TENM4: variants seen among roughly 807,000 people sequenced by gnomAD.
TENM4 encodes teneurin-4.
TENM4 carries 82 observed loss-of-function variants against 243.3 expected under a neutral mutation model. The observed-to-expected ratio is 0.34, with a 90% CI of 0.28 to 0.40. The LOEUF is 0.40. TENM4 is among the 10% of genes least tolerant of loss of function. The pLI is 1.00. For synonymous variants in TENM4, 1,412 were observed against 1,456.3 expected, an observed-to-expected ratio of 0.97 and a Z score of 0.69; for missense variants, 3,138 against 3,673.3, an observed-to-expected ratio of 0.85 and a Z score of 3.77.
At chr11:79,358,967 G>C (rs1237146329) in intron 1 of TENM4, among the ~76,000 whole-genome samples, 4 of 128,272 alleles carry the variant, frequency 3.1e-5, no homozygotes, top group East Asian at 4.2e-4. Flanking sequence ...TTTTTTTTTG[G>C]CATAAGAATA....
chr11:78,796,376 A>T (rs1345924893), intron 15 of TENM4, among the ~76,000 whole-genome samples: 1 of 152,208 alleles, frequency 6.6e-6, no homozygotes, highest in Non-Finnish European at 1.5e-5. Flanking sequence ...ATTTTCGGCC[A>T]GGACTGGAAC....
At chr11:79,410,685 C>G (rs1858680381) in intron 1 of TENM4, among the ~76,000 whole-genome samples, 1 of 152,186 alleles carries the variant, frequency 6.6e-6, no homozygotes, top group South Asian at 2.1e-4. Flanking sequence ...CTTCTCTGAC[C>G]TTTCCTGAGG....
At chr11:79,104,497 A>ACTATAC (rs1861313888) in intron 4 of TENM4, among the ~76,000 whole-genome samples, 1 of 152,080 alleles carries the variant, frequency 6.6e-6, no homozygotes, top group South Asian at 2.1e-4. Flanking sequence ...CACCTCACTT[A>ACTATAC]CTATACCATG....
intron 24 of TENM4, 117 bp downstream of exon 24, chr11:78,722,551 G>C (rs1325384866): frequency 5.8e-6 from 8 of 1,377,724 alleles, no homozygotes; most frequent in Non-Finnish European, 7.8e-6. Flanking sequence ...CTCAGAGCCT[G>C]ACGGGCAAGG....
At chr11:78,730,019 A>T in intron 21 of TENM4, among the ~76,000 whole-genome samples, 1 of 152,166 alleles carries the variant, frequency 6.6e-6, no homozygotes, top group Non-Finnish European at 1.5e-5. Flanking sequence ...CAGTTTTGAG[A>T]GGAATACATA....
At chr11:79,049,525 G>A (rs886136542) in intron 6 of TENM4, among the ~76,000 whole-genome samples, 16 of 152,212 alleles carry the variant, frequency 1.1e-4, no homozygotes, top group South Asian at 6.2e-4. Flanking sequence ...AACATAGCAG[G>A]CCGAAGCCTG....
intron 6 of TENM4, among the ~76,000 whole-genome samples, chr11:78,969,633 T>C (rs568129521): frequency 1.3e-5 from 2 of 152,340 alleles, no homozygotes; most frequent in South Asian, 4.1e-4. Flanking sequence ...TATTGGTCTA[T>C]GATAAAACCC....
At chr11:78,752,906 A>T (rs1299299710) in intron 19 of TENM4, among the ~76,000 whole-genome samples, 1 of 152,082 alleles carries the variant, frequency 6.6e-6, no homozygotes, top group Non-Finnish European at 1.5e-5. Context: ...TTTAATTAAC[A>T]TCATCATCAC....
At chr11:78,902,470 A>T (rs1374165237) in intron 7 of TENM4, among the ~76,000 whole-genome samples, 1 of 152,216 alleles carries the variant, frequency 6.6e-6, no homozygotes, top group Non-Finnish European at 1.5e-5. Flanking sequence ...GCAGAGACGA[A>T]GAGAAGGTGG....
intron 12 of TENM4, among the ~76,000 whole-genome samples, chr11:78,838,595 C>T (rs1858176461): frequency 6.8e-6 from 1 of 147,402 alleles, no homozygotes; most frequent in East Asian, 1.9e-4. Context: ...AGGTCTGAAT[C>T]AGAGGTTGAA....
intron 2 of TENM4, among the ~76,000 whole-genome samples, chr11:79,238,664 TTCTC>T (rs61547277): frequency 0.023 from 3,377 of 149,720 alleles, 110 homozygotes; most frequent in East Asian, 0.1. Flanking sequence ...ATAAATCTCT[TTCTC>T]TCTCTCTCTC....
intron 6 of TENM4, among the ~76,000 whole-genome samples, chr11:78,983,743 C>G (rs963326155): frequency 6.8e-6 from 1 of 146,264 alleles, no homozygotes; most frequent in Admixed American, 6.8e-5. Flanking sequence ...CCTCTAGAGG[C>G]CTTTGAGGCC....
At chr11:79,243,847 T>A (rs1314319757) in intron 2 of TENM4, among the ~76,000 whole-genome samples, 2 of 152,214 alleles carry the variant, frequency 1.3e-5, no homozygotes, top group East Asian at 1.9e-4. Context: ...AGGACTCAAC[T>A]CAGGACCAGA....
At chr11:79,351,913 G>A (rs1322859303) in intron 1 of TENM4, among the ~76,000 whole-genome samples, 1 of 152,076 alleles carries the variant, frequency 6.6e-6, no homozygotes, top group South Asian at 2.1e-4. Flanking sequence ...AGAGCCCCGT[G>A]CTGGGTGCCA....
intron 6 of TENM4, among the ~76,000 whole-genome samples, chr11:78,977,612 A>G (rs1407815602): frequency 6.6e-6 from 1 of 152,266 alleles, no homozygotes; most frequent in Admixed American, 6.5e-5. Flanking sequence ...TTTACTCATC[A>G]TTACTGGTCA....
intron 1 of TENM4, among the ~76,000 whole-genome samples, chr11:79,373,417 A>ACTGG (rs1857828021): frequency 6.9e-6 from 1 of 145,186 alleles, no homozygotes; most frequent in Non-Finnish European, 1.5e-5. Context: ...TGGCTGGGTG[A>ACTGG]CTGGCTGGCT....
At chr11:78,928,334 G>A (rs569812202) in intron 6 of TENM4, among the ~76,000 whole-genome samples, 4 of 152,196 alleles carry the variant, frequency 2.6e-5, no homozygotes, top group Admixed American at 1.3e-4. Context: ...AAAATACACC[G>A]CCACCCCATG....
At chr11:79,166,814 G>A (rs1345566110) in intron 3 of TENM4, among the ~76,000 whole-genome samples, 2 of 152,186 alleles carry the variant, frequency 1.3e-5, no homozygotes, top group Non-Finnish European at 2.9e-5. Flanking sequence ...TTGCCAGGCA[G>A]AAAACAGCTG....
chr11:79,336,935 C>A (rs142163141), intron 1 of TENM4, among the ~76,000 whole-genome samples: 1 of 152,112 alleles, frequency 6.6e-6, no homozygotes, highest in Non-Finnish European at 1.5e-5. Context: ...GAGACCCAGC[C>A]CCACTCAGGG....
Sources: gnomAD v4.1 joint callset for allele counts (sites outside exome capture counted in the v4.1 genomes callset) on GRCh38, gnomAD v4.1.1 for gene constraint, MANE v1.5 for transcripts, NCBI Gene and HGNC (gene_info 2026-07-23, HGNC 2026-07-21) for gene names.